Variants in BRD10 observed in about 807,000 individuals in gnomAD.
BRD10 encodes the protein bromodomain containing 10.
the BRD10 span, among the ~76,000 whole-genome samples, chr9:5,892,251 G>C: frequency 6.6e-6 from 1 of 152,162 alleles, no homozygotes; most frequent in South Asian, 2.1e-4. Context: ...GTTAGTAGGA[G>C]GGGTTAGAAA....
the BRD10 span, among the ~76,000 whole-genome samples, chr9:6,002,921 G>A: frequency 6.6e-6 from 1 of 152,160 alleles, no homozygotes; most frequent in Non-Finnish European, 1.5e-5. Context: ...TGGGCCTCAA[G>A]TGAACCACCC....
the BRD10 span, chr9:6,008,081 C>G: frequency 1.0e-6 from 1 of 984,496 alleles, no homozygotes; most frequent in East Asian, 1.1e-4. Flanking sequence ...GGCCTCACCC[C>G]TCCGCACCCC....
At chr9:5,995,617 A>T in the BRD10 span, among the ~76,000 whole-genome samples, 1 of 152,224 alleles carries the variant, frequency 6.6e-6, no homozygotes, top group Admixed American at 6.5e-5. Context: ...CTCTTCCCAG[A>T]GATCTCCCAG....
At chr9:5,915,654 T>C in the BRD10 span, among the ~76,000 whole-genome samples, 19 of 152,216 alleles carry the variant, frequency 1.2e-4, no homozygotes, top group Non-Finnish European at 2.4e-4. Flanking sequence ...CTTGCAGTCA[T>C]AGCACAAATG....
the BRD10 span, among the ~76,000 whole-genome samples, chr9:5,925,168 G>A: frequency 6.6e-6 from 1 of 152,006 alleles, no homozygotes; most frequent in Non-Finnish European, 1.5e-5. Flanking sequence ...AGACCAGCCT[G>A]GCCAACACGG....
At chr9:5,971,107 T>C in the BRD10 span, among the ~76,000 whole-genome samples, 7 of 128,980 alleles carry the variant, frequency 5.4e-5, no homozygotes, top group African/African-American at 2.0e-4. Context: ...CTTGAATAGA[T>C]ATTTCTTTAA....
the BRD10 span, among the ~76,000 whole-genome samples, chr9:5,915,956 A>C: frequency 6.6e-6 from 1 of 152,172 alleles, no homozygotes; most frequent in African/African-American, 2.4e-5. Context: ...TTGATTCTCT[A>C]ATACTTCTTC....
chr9:5,901,805 A>T, the BRD10 span, among the ~76,000 whole-genome samples: 7 of 152,224 alleles, frequency 4.6e-5, no homozygotes, highest in Admixed American at 1.3e-4. Flanking sequence ...TACAGGCGTG[A>T]GCCACCACGC....
the BRD10 span, among the ~76,000 whole-genome samples, chr9:5,967,409 A>G: frequency 4.6e-5 from 7 of 152,216 alleles, no homozygotes; most frequent in Non-Finnish European, 1.0e-4. Context: ...ACAAATATAT[A>G]GGGCATTTAA....
chr9:5,983,962 T>TACACACACACACACACACAC, the BRD10 span, among the ~76,000 whole-genome samples: 2 of 129,724 alleles, frequency 1.5e-5, no homozygotes, highest in African/African-American at 5.9e-5. Context: ...GTATATGCAT[T>TACACACACACACACACACAC]ACACACACAC....
chr9:6,001,236 T>G, the BRD10 span, among the ~76,000 whole-genome samples: 1 of 152,214 alleles, frequency 6.6e-6, no homozygotes, highest in Non-Finnish European at 1.5e-5. Flanking sequence ...CTCAATAATC[T>G]TTTAATTGGT....
At chr9:5,879,587 A>G in the BRD10 span, among the ~76,000 whole-genome samples, 5 of 151,988 alleles carry the variant, frequency 3.3e-5, no homozygotes, top group Non-Finnish European at 7.4e-5. Flanking sequence ...GACCGCCCAC[A>G]CTGGTCTGGT....
the BRD10 span, among the ~76,000 whole-genome samples, chr9:5,888,831 G>C: frequency 3.3e-5 from 5 of 152,248 alleles, no homozygotes; most frequent in Non-Finnish European, 5.9e-5. Flanking sequence ...CATGAGCTGA[G>C]TGAAAATTTA....
the BRD10 span, chr9:5,928,911 C>T: frequency 1.7e-5 from 9 of 543,886 alleles, no homozygotes; most frequent in Non-Finnish European, 2.3e-5. Context: ...GAGCCTTGCA[C>T]ACAGTGGGCA....
At chr9:5,954,080 G>C in the BRD10 span, 14 of 1,549,386 alleles carry the variant, frequency 9.0e-6, no homozygotes, top group South Asian at 1.2e-5. Flanking sequence ...TGCTTTTTTA[G>C]AGACGGATTT....
chr9:5,920,456 C>A, the BRD10 span: 3 of 1,613,944 alleles, frequency 1.9e-6, no homozygotes, highest in Non-Finnish European at 2.5e-6. Flanking sequence ...AATGGTAGTG[C>A]CACCTGGAGC....
chr9:5,916,437 G>A, the BRD10 span, among the ~76,000 whole-genome samples: 820 of 151,828 alleles, frequency 5.4e-3, 10 homozygotes, highest in African/African-American at 0.016. Flanking sequence ...AATAAAATTG[G>A]AGACTTGGGA....
At chr9:5,981,883 A>G in the BRD10 span, among the ~76,000 whole-genome samples, 2 of 152,198 alleles carry the variant, frequency 1.3e-5, no homozygotes, top group Non-Finnish European at 2.9e-5. Context: ...AAATAAATGG[A>G]AACAGAAAGT....
At chr9:5,992,393 T>C in the BRD10 span, among the ~76,000 whole-genome samples, 1 of 152,144 alleles carries the variant, frequency 6.6e-6, no homozygotes, top group Non-Finnish European at 1.5e-5. Flanking sequence ...AGTAAAAGAA[T>C]CCCGATTAAA....
Sources: allele counts gnomAD v4.1 joint callset (sites outside exome capture counted in the v4.1 genomes callset), GRCh38; gene constraint gnomAD v4.1.1; transcripts MANE v1.5; gene names NCBI Gene and HGNC (gene_info 2026-07-23, HGNC 2026-07-21).